Variants in MTREX observed in about 807,000 individuals in gnomAD.
The protein encoded by MTREX is exosome RNA helicase MTR4.
Under a neutral mutation model 135.4 loss-of-function variants are expected in MTREX, and 76 were observed. The ratio of observed to expected loss-of-function variants is 0.56; its 90% CI spans 0.47 to 0.68. The LOEUF (loss-of-function observed/expected upper bound fraction) is 0.68. Among genes scored for constraint, MTREX ranks in the 30% least tolerant of loss-of-function variants. MTREX has a pLI of 0.00. For synonymous variants in MTREX, 404 were observed against 401.6 expected, an observed-to-expected ratio of 1.01 and a Z score of -0.07; for missense variants, 920 against 1,262.1, an observed-to-expected ratio of 0.73 and a Z score of 4.11.
chr5:55,417,808 A>G (rs538330848), intron 25 of MTREX, among the ~76,000 whole-genome samples: 3 of 152,380 alleles, frequency 2.0e-5, no homozygotes, highest in Admixed American at 6.5e-5. Context: ...TGATAATACA[A>G]TACTCATATT....
intron 5 of MTREX, among the ~76,000 whole-genome samples, chr5:55,336,439 A>G (rs1194015126): frequency 1.3e-5 from 2 of 152,232 alleles, no homozygotes; most frequent in African/African-American, 2.4e-5. Flanking sequence ...GAGAATTTTT[A>G]TCAAGATATG....
At chr5:55,351,121 T>TA in intron 13 of MTREX, 92 bp downstream of exon 13, 1 of 1,364,316 alleles carries the variant, frequency 7.3e-7, no homozygotes, top group Non-Finnish European at 9.5e-7. Context: ...AATATGTGTG[T>TA]TTTTAACAAG....
chr5:55,373,466 A>T (rs887496436), intron 16 of MTREX, among the ~76,000 whole-genome samples: 1 of 152,244 alleles, frequency 6.6e-6, no homozygotes, highest in Admixed American at 6.5e-5. Context: ...ACAAAAATTT[A>T]TTTGTTGAGG....
chr5:55,354,194 A>G (rs982808412), intron 14 of MTREX, among the ~76,000 whole-genome samples: 1 of 152,212 alleles, frequency 6.6e-6, no homozygotes, highest in African/African-American at 2.4e-5. Context: ...CTCTTGACAG[A>G]TATACAATAA....
chr5:55,308,614 G>A (rs903282291), intron 1 of MTREX, among the ~76,000 whole-genome samples: 3 of 152,152 alleles, frequency 2.0e-5, no homozygotes, highest in African/African-American at 7.2e-5. Flanking sequence ...GGAGATAATA[G>A]TGCCTACCAC....
chr5:55,360,774 C>T (rs1229219758), intron 15 of MTREX, among the ~76,000 whole-genome samples: 1 of 152,064 alleles, frequency 6.6e-6, no homozygotes, highest in Non-Finnish European at 1.5e-5. Context: ...CCTTTTTCCT[C>T]TAGGTTTTTT....
At chr5:55,313,493 T>C (rs963578545) in intron 1 of MTREX, among the ~76,000 whole-genome samples, 2 of 152,142 alleles carry the variant, frequency 1.3e-5, no homozygotes, top group Admixed American at 6.5e-5. Flanking sequence ...AATTAAACTT[T>C]TTCTTATATA....
chr5:55,322,406 G>A lies in MTREX; in HGVS notation c.214G>A (p.Asp72Asn). 1.9e-6 allele frequency: 3 copies of A among 1,609,746 alleles called. No individual in the cohort carries two copies. Among genetic ancestry groups the A allele is most frequent in the Non-Finnish European group, 2.5e-6 (3 of 1,177,924 alleles). Reference protein sequence around the residue: ...NKRDVDFEGTDEPIFGKKPRI... With the variant: ...NKRDVDFEGTNEPIFGKKPRI... Reference sequence around the variant, plus strand: ...GAGAGATGTAGATTTCGAAGGTACAGATGAACCCATTTTTGGAAAGAAGCC... The same window carrying A: ...GAGAGATGTAGATTTCGAAGGTACAAATGAACCCATTTTTGGAAAGAAGCC... The change falls in exon 2 of 27, where the codon GAT (aspartate) becomes AAT (asparagine). Residue 72 changes from aspartate (D) to asparagine (N), a missense_variant. Asp to Asn is a conservative substitution (Grantham distance 23). This residue lies in a region of MTREX where 136 missense variants were observed against 126.7 expected (regional missense o/e 1.07). Transcript: ENST00000230640.
chr5:55,342,990 C>T (rs980065388), intron 7 of MTREX, among the ~76,000 whole-genome samples: 1 of 152,158 alleles, frequency 6.6e-6, no homozygotes, highest in African/African-American at 2.4e-5. Context: ...CTATAACTTT[C>T]TACAAGTTAG....
intron 19 of MTREX, among the ~76,000 whole-genome samples, chr5:55,390,330 T>G (rs1165847026): frequency 6.6e-6 from 1 of 152,214 alleles, no homozygotes; most frequent in Non-Finnish European, 1.5e-5. Flanking sequence ...CTTGATCTCC[T>G]GACCTCATGA....
At position 55,379,573 on chromosome 5, in the gene MTREX, GACACACACACAC is replaced by G. The variant is rs60169736; in HGVS notation, c.2052+405_2052+416del. Among the ~76,000 whole-genome samples, 586 of 143,896 alleles carry G rather than the reference GACACACACACAC, an allele frequency of 4.1e-3. 3 individuals carry two copies. The highest frequency in any genetic ancestry group is 0.012 in the African/African-American group (464 of 38,606). 94.4% of individuals were successfully genotyped at this position (143,896 alleles called of 152,430 possible). A position where few individuals can be genotyped will look rare whatever the true frequency, so the allele number is the denominator to read the frequency against. On this transcript the variant is annotated intron_variant, in intron 18 of 26. Transcript: ENST00000230640. ...TTCCTTCCACTCCCCAAATCTCCCT[GACACACACACAC>G]ACACACACACACACACACACACACA...
chr5:55,353,319 A>G (rs1040291003), intron 14 of MTREX, 50 bp downstream of exon 14: 18 of 1,204,412 alleles, frequency 1.5e-5, no homozygotes, highest in East Asian at 4.8e-5. Flanking sequence ...TTGTTATACT[A>G]TAGATAACTG....
chr5:55,369,511 G>GTA (rs1292674333), intron 16 of MTREX, among the ~76,000 whole-genome samples: 4 of 152,042 alleles, frequency 2.6e-5, no homozygotes, highest in Non-Finnish European at 5.9e-5. Context: ...AAGCATCCCT[G>GTA]GTACAGTGGA....
In MTREX at chr5:55,400,239, C is replaced by A; in HGVS notation, c.2299C>A (p.Gln767Lys). The A allele has an allele frequency of 1.9e-6, 3 of 1,548,710 alleles. No homozygotes were observed. Among genetic ancestry groups the A allele is most frequent in the Non-Finnish European group, 1.7e-6 (2 of 1,145,360 alleles). The change falls in exon 21 of 27, where the codon CAG (glutamine) becomes AAG (lysine). Residue 767 changes from glutamine (Q) to lysine (K), a missense_variant. Transcript: ENST00000230640. ...QSVLKSIQEV[Q>K]KRFPDGIPLL... ...TTTTACATATTTTTTTCAGGAAGTT[C>A]AGAAACGTTTTCCTGACGGCATCCC...
At chr5:55,332,972 GT>G (rs1415273674) in intron 5 of MTREX, among the ~76,000 whole-genome samples, 2 of 151,646 alleles carry the variant, frequency 1.3e-5, no homozygotes, top group East Asian at 3.9e-4. Context: ...TTTCAGATTT[GT>G]TTTTATTGAT....
At chr5:55,334,344 A>T (rs1440741788) in intron 5 of MTREX, among the ~76,000 whole-genome samples, 1 of 152,106 alleles carries the variant, frequency 6.6e-6, no homozygotes, top group East Asian at 1.9e-4. Context: ...CTTCAGTAAA[A>T]AGTAAACCTG....
At chr5:55,363,728 T>G (rs1486550572) in intron 15 of MTREX, among the ~76,000 whole-genome samples, 6 of 152,200 alleles carry the variant, frequency 3.9e-5, no homozygotes, top group African/African-American at 9.6e-5. Context: ...ACTTTAAGCC[T>G]AGATACTCCT....
intron 13 of MTREX, among the ~76,000 whole-genome samples, chr5:55,351,256 G>A (rs186538572): frequency 6.1e-4 from 93 of 152,180 alleles, no homozygotes; most frequent in African/African-American, 2.2e-3. Flanking sequence ...GTGGTGGCAG[G>A]GTACAGTGGC....
At chr5:55,309,942 G>A (rs1293382607) in intron 1 of MTREX, among the ~76,000 whole-genome samples, 6 of 152,072 alleles carry the variant, frequency 3.9e-5, no homozygotes, top group African/African-American at 1.4e-4. Context: ...GAGAGTTTGG[G>A]GAAGCTTTTC....
Sources: gnomAD v4.1 joint callset for allele counts (sites outside exome capture counted in the v4.1 genomes callset) on GRCh38, gnomAD v4.1.1 for gene constraint, gnomAD v4.1.1 regional missense constraint, MANE v1.5 for transcripts, NCBI Gene and HGNC (gene_info 2026-07-23, HGNC 2026-07-21) for gene names.